Variants in GLI3 observed in about 807,000 individuals in gnomAD.
GLI3 encodes transcription activator GLI3.
GLI3 carries 20 observed loss-of-function variants against 100.8 expected under a neutral mutation model. The observed-to-expected ratio is 0.20, with a 90% CI of 0.14 to 0.29. GLI3 has a LOEUF of 0.29. Ranked by LOEUF, GLI3 falls within the 10% of genes least tolerant of loss-of-function variation. The pLI is 1.00. For synonymous variants in GLI3, 938 were observed against 860.5 expected (o/e 1.09, Z -1.58); for missense variants, 2,040 against 2,128.5 (o/e 0.96, Z 0.82).
upstream of GLI3, among the ~76,000 whole-genome samples, chr7:42,239,547 A>G (rs1410625804): frequency 1.3e-5 from 2 of 152,164 alleles, no homozygotes; most frequent in East Asian, 3.9e-4. Flanking sequence ...CTGATAGCCT[A>G]CTCTGTTCAC....
intron 13 of GLI3, among the ~76,000 whole-genome samples, chr7:41,971,286 T>C (rs1444148143): frequency 6.6e-6 from 1 of 152,242 alleles, no homozygotes; most frequent in Non-Finnish European, 1.5e-5. Context: ...CCTGATTGTT[T>C]CCGTGCATCC....
At chr7:42,179,594 G>A (rs1297573670) in intron 2 of GLI3, among the ~76,000 whole-genome samples, 2 of 152,178 alleles carry the variant, frequency 1.3e-5, no homozygotes, top group African/African-American at 4.8e-5. Context: ...GCTGATGGTG[G>A]CTCCTAGGAA....
chr7:42,118,706 A>G (rs1785921474), intron 3 of GLI3, among the ~76,000 whole-genome samples: 1 of 152,172 alleles, frequency 6.6e-6, no homozygotes, highest in African/African-American at 2.4e-5. Context: ...CTTCCGCTGC[A>G]GCCAGGGGGC....
At position 41,967,653 on chromosome 7, in the gene GLI3, G is replaced by A. The variant is rs121917714; in HGVS notation, c.2374C>T (p.Arg792Ter). The stretch of plus-strand genomic sequence containing the variant: ...TTAGGGGGTAGAATGGGGTTCAGTC[G>A]CGGAAACATTCCATTCACTTGTTTT... The part of the protein sequence containing the change: ...RLKQVNGMFP[R>*]LNPILPPKAP... The change falls in exon 14 of 15, where the codon CGA becomes TGA. Residue 792 changes from arginine (R) to a stop codon, truncating the protein, a stop_gained. Transcript: ENST00000395925. LOFTEE classifies it high-confidence loss of function. 3.1e-6 allele frequency: 5 copies of A among 1,614,062 alleles called. No individual in the cohort carries two copies. The highest frequency in any genetic ancestry group is 1.1e-5 in the South Asian group (1 of 91,074).
intron 9 of GLI3, among the ~76,000 whole-genome samples, chr7:42,024,136 A>C (rs775658781): frequency 1.3e-5 from 2 of 152,156 alleles, no homozygotes; most frequent in South Asian, 4.1e-4. Flanking sequence ...TGTGTGAGAC[A>C]CTTTTGTAGA....
intron 2 of GLI3, among the ~76,000 whole-genome samples, chr7:42,179,043 T>C (rs1787538411): frequency 6.6e-6 from 1 of 152,094 alleles, no homozygotes; most frequent in Admixed American, 6.5e-5. Flanking sequence ...CACCTAAATC[T>C]CATCTTGAAT....
intron 3 of GLI3, among the ~76,000 whole-genome samples, chr7:42,116,562 T>C (rs1290675841): frequency 6.6e-6 from 1 of 151,924 alleles, no homozygotes; most frequent in Non-Finnish European, 1.5e-5. Context: ...AACCCATTCG[T>C]AAAATCTATC....
intron 3 of GLI3, among the ~76,000 whole-genome samples, chr7:42,091,411 A>T (rs1452468084): frequency 1.3e-5 from 2 of 152,178 alleles, no homozygotes; most frequent in African/African-American, 4.8e-5. Flanking sequence ...CACTTCTCCC[A>T]GGCACCAGGG....
intron 1 of GLI3, among the ~76,000 whole-genome samples, chr7:42,229,688 G>T (rs1488514141): frequency 6.6e-6 from 1 of 152,040 alleles, no homozygotes; most frequent in Non-Finnish European, 1.5e-5. Flanking sequence ...AACCATCCAG[G>T]TAAAACTACT....
At chr7:42,189,314 T>C (rs1787780972) in intron 2 of GLI3, among the ~76,000 whole-genome samples, 1 of 152,122 alleles carries the variant, frequency 6.6e-6, no homozygotes, top group African/African-American at 2.4e-5. Flanking sequence ...CGTACAAAAA[T>C]CCTAAACACA....
chr7:42,255,343 C>T (rs1162238137), intron 1 of GLI3, among the ~76,000 whole-genome samples: 2 of 152,114 alleles, frequency 1.3e-5, no homozygotes, highest in South Asian at 4.1e-4. Context: ...AATTTGCATT[C>T]CATGAAATTT....
chr7:42,149,658 T>C (rs1786809051), intron 2 of GLI3, among the ~76,000 whole-genome samples: 1 of 152,184 alleles, frequency 6.6e-6, no homozygotes, highest in Admixed American at 6.5e-5. Context: ...CGTTTCCTAT[T>C]CCTATCTTAA....
chr7:42,141,657 G>A (rs1786571182), intron 3 of GLI3, among the ~76,000 whole-genome samples: 1 of 152,052 alleles, frequency 6.6e-6, no homozygotes, highest in South Asian at 2.1e-4. Context: ...GGGTGACAAA[G>A]CAAGACTCCG....
chr7:41,980,913 TA>T (rs1405843064), intron 10 of GLI3, among the ~76,000 whole-genome samples: 1 of 152,190 alleles, frequency 6.6e-6, no homozygotes, highest in East Asian at 1.9e-4. Context: ...TAAATTACTA[TA>T]CAATTACAGT....
intron 2 of GLI3, among the ~76,000 whole-genome samples, chr7:42,161,060 A>G (rs1787120132): frequency 6.6e-6 from 1 of 152,138 alleles, no homozygotes; most frequent in African/African-American, 2.4e-5. Flanking sequence ...GACACTTGAA[A>G]TTTTCCCGAG....
intron 3 of GLI3, among the ~76,000 whole-genome samples, chr7:42,128,777 TG>T (rs767725234): frequency 6.6e-6 from 1 of 152,070 alleles, no homozygotes; most frequent in African/African-American, 2.4e-5. Context: ...ATGGTAGGAA[TG>T]GAAGTCCATG....
chr7:41,967,416 A>G (rs1453874166), intron 14 of GLI3, among the ~76,000 whole-genome samples, 180 bp downstream of exon 14: 1 of 152,164 alleles, frequency 6.6e-6, no homozygotes, highest in Non-Finnish European at 1.5e-5. Context: ...TCCTGTTCCT[A>G]GCTGTTTTTA....
chr7:42,153,256 C>A lies in GLI3; in HGVS notation c.125-4788G>T, dbSNP rs1249326135. ...AAGAAGGTAATTGTGCTCGCAGTCTCCCTGATCAGAGCTTACGTCCTATTT... is the reference window on the plus strand; with the variant it reads ...AAGAAGGTAATTGTGCTCGCAGTCTACCTGATCAGAGCTTACGTCCTATTT... On this transcript the variant is annotated intron_variant, in intron 2 of 14. Transcript: ENST00000395925. 2.6e-5 allele frequency among the ~76,000 whole-genome samples: 4 copies of A among 152,258 alleles called. No homozygotes were observed. The East Asian group carries it at 7.7e-4, about 29-fold the overall frequency.
At chr7:42,121,780 C>A (rs1271559586) in intron 3 of GLI3, among the ~76,000 whole-genome samples, 3 of 152,188 alleles carry the variant, frequency 2.0e-5, no homozygotes, top group African/African-American at 7.2e-5. Context: ...CCATTGAATA[C>A]CAGCTGCTAT....
Sources: allele counts gnomAD v4.1 joint callset (sites outside exome capture counted in the v4.1 genomes callset), GRCh38; gene constraint gnomAD v4.1.1; transcripts MANE v1.5; gene names NCBI Gene and HGNC (gene_info 2026-07-23, HGNC 2026-07-21).